Variants in SEC31A observed in about 807,000 individuals in gnomAD.
SEC31A encodes protein transport protein Sec31A.
SEC31A carries 70 observed loss-of-function variants against 151.0 expected under a neutral mutation model. That is an observed-to-expected ratio of 0.46 (90% CI 0.38 to 0.57). SEC31A has a LOEUF of 0.57. Ranked by LOEUF, SEC31A falls within the 20% of genes least tolerant of loss-of-function variation. SEC31A has a pLI of 0.00. For synonymous variants in SEC31A, 475 were observed against 505.9 expected, an observed-to-expected ratio of 0.94 and a Z score of 0.82; for missense variants, 1,330 against 1,471.2, an observed-to-expected ratio of 0.90 and a Z score of 1.57.
chr4:82,869,023 T>C (rs1736040182), intron 8 of SEC31A, among the ~76,000 whole-genome samples: 1 of 152,224 alleles, frequency 6.6e-6, no homozygotes, highest in Admixed American at 6.5e-5. Flanking sequence ...CCTGCTCACG[T>C]CTTTGGTATT....
chr4:82,880,692 G>C, intron 3 of SEC31A, 107 bp downstream of exon 3: 2 of 906,800 alleles, frequency 2.2e-6, no homozygotes, highest in Non-Finnish European at 3.2e-6. Context: ...TCATGTTCTT[G>C]ATGGTATTCC....
At position 82,851,534 on chromosome 4, in the gene SEC31A, A is replaced by C. The variant is rs1731449174; in HGVS notation, c.2225T>G (p.Val742Gly). ...CATCTTCGCAGCCAAGAGAACTCCTACAGTACTAGTGTCCATGGCTTGAGT... is the reference window on the plus strand; with the variant it reads ...CATCTTCGCAGCCAAGAGAACTCCTCCAGTACTAGTGTCCATGGCTTGAGT... ...QLTQAMDTST[V>G]GVLLAAKMSQ... Residue 742 changes from valine (V) to glycine (G), a missense_variant, in exon 19 of 27, where the codon GTA becomes GGA. Coordinates refer to ENST00000395310, the MANE Select transcript of SEC31A (RefSeq NM_001077207.4). The C allele has an allele frequency of 1.9e-6, 3 of 1,614,090 alleles. No individual in the cohort carries two copies. The highest frequency in any genetic ancestry group is 4.5e-5 in the East Asian group (2 of 44,882).
At chr4:82,820,911 C>T in intron 26 of SEC31A, 126 bp downstream of exon 26, 3 of 736,664 alleles carry the variant, frequency 4.1e-6, no homozygotes, top group Non-Finnish European at 7.2e-6. Context: ...CACAGCCATG[C>T]CCATTCTCTA....
At chr4:82,899,323 C>T (rs1720204774) in intron 3 of SEC31A, among the ~76,000 whole-genome samples, 1 of 152,216 alleles carries the variant, frequency 6.6e-6, no homozygotes, top group Admixed American at 6.5e-5. Flanking sequence ...CTGAATTGTA[C>T]ACTTTAAACC....
At position 82,880,795 on chromosome 4, in the gene SEC31A, A is replaced by T; in HGVS notation, c.203+4T>A. ...TCACATGAATTTAAAGCTGAACCTCATACCTGTGAGAAGAGGAGAATGTGG... is the reference window on the plus strand; with the variant it reads ...TCACATGAATTTAAAGCTGAACCTCTTACCTGTGAGAAGAGGAGAATGTGG... On this transcript the variant is annotated splice_donor_region_variant and intron_variant, in intron 3 of 26. Transcript: ENST00000395310. 6.2e-7 allele frequency: 1 copy of T among 1,607,750 alleles called. No individual in the cohort carries two copies. The highest frequency in any genetic ancestry group is 1.3e-5 in the African/African-American group (1 of 74,784).
At chr4:82,822,405 G>C (rs1296072039) in intron 25 of SEC31A, among the ~76,000 whole-genome samples, 4 of 152,162 alleles carry the variant, frequency 2.6e-5, no homozygotes, top group Non-Finnish European at 4.4e-5. Flanking sequence ...AAACAATGCA[G>C]ATATGTGGAG....
Position 82,867,324 on chromosome 4 carries a change from A to G in SEC31A, c.883-8T>C, listed in dbSNP as rs755843495. On this transcript the variant is annotated splice_polypyrimidine_tract_variant and splice_region_variant and intron_variant, in intron 8 of 26. Transcript: ENST00000395310. ...GGGAAGTTCATATAACACCTAGGCCAACAAAAAACAAACAACAAAACTCAG... is the reference window on the plus strand; with the variant it reads ...GGGAAGTTCATATAACACCTAGGCCGACAAAAAACAAACAACAAAACTCAG... 3.1e-6 allele frequency: 5 copies of G among 1,610,266 alleles called. No individual in the cohort carries two copies. The Admixed American group carries it at 8.4e-5, about 27-fold the overall frequency.
At chr4:82,880,686 G>T in intron 3 of SEC31A, 113 bp downstream of exon 3, 4 of 860,504 alleles carry the variant, frequency 4.6e-6, no homozygotes, top group East Asian at 2.9e-5. Flanking sequence ...AATATTTCAT[G>T]TTCTTGATGG....
At chr4:82,842,756 CT>C in intron 21 of SEC31A, 1 of 303,762 alleles carries the variant, frequency 3.3e-6, no homozygotes, top group East Asian at 6.6e-5. Flanking sequence ...AAGACTGACC[CT>C]TTTCTGAGAC....
chr4:82,880,810 G>C lies in SEC31A; in HGVS notation c.192C>G (p.Ser64=), dbSNP rs1348995194. ...SLDMKSCATF[S]SSHRYHKLIW... is the part of the protein sequence containing the mutation. ...GCTGAACCTCATACCTGTGAGAAGA[G>C]GAGAATGTGGCACAAGATTTCATAT... Residue 64 remains serine, a synonymous_variant, in exon 3 of 27, where the codon TCC becomes TCG. Coordinates refer to ENST00000395310, the MANE Select transcript of SEC31A (RefSeq NM_001077207.4). 8.1e-6 allele frequency: 13 copies of C among 1,611,572 alleles called. No homozygotes were observed. Among genetic ancestry groups the C allele is most frequent in the Non-Finnish European group, 1.1e-5 (13 of 1,178,686 alleles).
At chr4:82,853,755 G>A in intron 17 of SEC31A, 40 bp from the exon 18 acceptor site, 1 of 1,543,694 alleles carries the variant, frequency 6.5e-7, no homozygotes, top group Non-Finnish European at 8.8e-7. Context: ...TATACCCAAG[G>A]CAATCTGTAT....
At chr4:82,853,508 G>C in intron 18 of SEC31A, 62 bp downstream of exon 18, 1 of 1,342,232 alleles carries the variant, frequency 7.5e-7, no homozygotes. Context: ...ATTATAACTT[G>C]ATGATAAGTA....
intron 20 of SEC31A, chr4:82,845,161 G>T: frequency 1.5e-6 from 2 of 1,319,158 alleles, no homozygotes; most frequent in Non-Finnish European, 2.1e-6. Context: ...ATATTTAGGT[G>T]AGCAGAATTC....
At chr4:82,821,301 C>T in intron 25 of SEC31A, 193 bp from the exon 26 acceptor site, 1 of 517,416 alleles carries the variant, frequency 1.9e-6, no homozygotes, top group Non-Finnish European at 3.4e-6. Context: ...GTAATCCCAG[C>T]ACTTTGGGAG....
intron 1 of SEC31A, among the ~76,000 whole-genome samples, chr4:82,886,219 G>T (rs1402465198): frequency 1.3e-5 from 2 of 152,210 alleles, no homozygotes; most frequent in Non-Finnish European, 2.9e-5. Flanking sequence ...ATTGTGTTAG[G>T]TTAGAGCAAA....
chr4:82,842,086 T>C lies in SEC31A; in HGVS notation c.2968+54A>G, dbSNP rs762374448. ...AATAATACCCCTCCATCCACCCATCTGTTCATAAACAAATAAAGGAGGGGG... is the reference window on the plus strand; with the variant it reads ...AATAATACCCCTCCATCCACCCATCCGTTCATAAACAAATAAAGGAGGGGG... On this transcript the variant is annotated intron_variant, in intron 22 of 26. Coordinates refer to ENST00000395310, the MANE Select transcript of SEC31A (RefSeq NM_001077207.4). 134 of 1,364,394 alleles carry C rather than the reference T, an allele frequency of 9.8e-5. 1 individual carries two copies. Among genetic ancestry groups the C allele is most frequent in the Non-Finnish European group, 1.3e-4 (133 of 1,001,894 alleles). The allele number at this position is 1,364,394 out of a possible 1,614,324, so 84.5% of individuals were successfully genotyped here.
In SEC31A at chr4:82,844,367, T is replaced by G; in HGVS notation, c.2626+19A>C. 1.2e-6 allele frequency: 2 copies of G among 1,610,682 alleles called. No individual in the cohort carries two copies. Among genetic ancestry groups the G allele is most frequent in the Non-Finnish European group, 1.7e-6 (2 of 1,178,758 alleles). On this transcript the variant is annotated intron_variant, in intron 21 of 26. Transcript: ENST00000395310. ...TCATAAATACTGCTCTGAAAGGACT[T>G]TGGGGTCACACTACTTACGCTGTGG... is the stretch of plus-strand genomic sequence containing the variant.
chr4:82,887,481 C>G (rs146367495), intron 1 of SEC31A, among the ~76,000 whole-genome samples: 8 of 152,300 alleles, frequency 5.3e-5, no homozygotes, highest in Non-Finnish European at 1.2e-4. Flanking sequence ...ATCTATAGCA[C>G]GGCAATTAAG....
chr4:82,888,698 TAA>T (rs67970155), intron 1 of SEC31A, among the ~76,000 whole-genome samples: 56 of 145,238 alleles, frequency 3.9e-4, no homozygotes, highest in East Asian at 6.0e-4. Flanking sequence ...CAGAAAAAAA[TAA>T]AAAAAAAAAA....
Sources: gnomAD v4.1 joint callset for allele counts (sites outside exome capture counted in the v4.1 genomes callset) on GRCh38, gnomAD v4.1.1 for gene constraint, MANE v1.5 for transcripts, NCBI Gene and HGNC (gene_info 2026-07-23, HGNC 2026-07-21) for gene names.